INO80: variants seen among roughly 807,000 people sequenced by gnomAD.
INO80 encodes the protein chromatin-remodeling ATPase INO80.
Under a neutral mutation model 203.4 loss-of-function variants are expected in INO80, and 20 were observed. That is an observed-to-expected ratio of 0.10 (90% confidence interval 0.07 to 0.14). INO80 has a LOEUF of 0.14. Ranked by LOEUF, INO80 falls within the 10% of genes least tolerant of loss-of-function variation. The pLI, the probability that INO80 is intolerant of heterozygous loss-of-function variation, is 1.00. For synonymous variants in INO80, 726 were observed against 685.2 expected (o/e 1.06, Z -0.93); for missense variants, 1,419 against 1,914.4 (o/e 0.74, Z 4.83).
Position 41,059,892 on chromosome 15 carries a change from T to C in INO80, c.1817A>G (p.Lys606Arg), listed in dbSNP as rs558935439. ...LPYWGNPHDR[K>R]VIRRFWSQKT... Reference sequence around the variant, plus strand: ...CTGACTCCAGAACCTTCTGATGACTTTTCTATCATGAGGATTTCCCCAATA... The same window carrying C: ...CTGACTCCAGAACCTTCTGATGACTCTTCTATCATGAGGATTTCCCCAATA... The change falls in exon 15 of 36, where the codon AAA becomes AGA. Residue 606 changes from lysine to arginine, a missense_variant. Coordinates refer to ENST00000648947, the MANE Select transcript of INO80 (RefSeq NM_017553.3). 1 of 1,612,098 alleles carries C rather than the reference T, an allele frequency of 6.2e-7. No homozygotes were observed. Among genetic ancestry groups the C allele is most frequent in the East Asian group, 2.2e-5 (1 of 44,820 alleles).
chr15:40,997,626 A>G (rs1339675712), intron 28 of INO80, 25 bp from the exon 29 acceptor site: 3 of 1,552,764 alleles, frequency 1.9e-6, no homozygotes, highest in African/African-American at 2.7e-5. Context: ...GAGATATGTT[A>G]AAGGAAAAAC....
At chr15:41,070,367 A>G (rs2140590917) in intron 13 of INO80, 100 bp downstream of exon 13, 1 of 1,025,630 alleles carries the variant, frequency 9.8e-7, no homozygotes, top group Middle Eastern at 2.1e-4. Flanking sequence ...CTATCTTGGA[A>G]TGCTACACAG....
intron 5 of INO80, among the ~76,000 whole-genome samples, chr15:41,091,125 T>C (rs955804856): frequency 2.0e-5 from 3 of 152,144 alleles, no homozygotes; most frequent in East Asian, 3.9e-4. Flanking sequence ...AGTTTCCTTA[T>C]GTTGGTCAGG....
At chr15:41,016,316 T>A in intron 26 of INO80, 101 bp from the exon 27 acceptor site, 1 of 1,163,730 alleles carries the variant, frequency 8.6e-7, no homozygotes, top group South Asian at 1.5e-5. Context: ...AAAACCAAGA[T>A]GCTTGTCATC....
chr15:41,104,502 C>T (rs956523232), intron 1 of INO80, among the ~76,000 whole-genome samples: 1 of 151,948 alleles, frequency 6.6e-6, no homozygotes, highest in African/African-American at 2.4e-5. Context: ...GGGCTGATTG[C>T]TTTGTACTCT....
chr15:41,021,860 C>CCAATT (rs1368072297), intron 25 of INO80, among the ~76,000 whole-genome samples: 8 of 152,192 alleles, frequency 5.3e-5, no homozygotes, highest in African/African-American at 1.7e-4. Flanking sequence ...AGGGCTCCTG[C>CCAATT]CAATTCAGAA....
intron 17 of INO80, among the ~76,000 whole-genome samples, chr15:41,056,118 A>AT (rs1022307001): frequency 1.3e-5 from 2 of 150,262 alleles, no homozygotes; most frequent in African/African-American, 2.4e-5. Context: ...TAATTTTTTG[A>AT]TTTTTTTTGT....
chr15:41,066,081 C>T (rs769025910), intron 14 of INO80, among the ~76,000 whole-genome samples: 11 of 150,440 alleles, frequency 7.3e-5, no homozygotes, highest in South Asian at 6.3e-4. Flanking sequence ...TGGGTTCAAG[C>T]GATTCTCCTG....
At chr15:40,999,364 C>T (rs772984700) in intron 28 of INO80, 4 of 152,174 alleles carry the variant, frequency 2.6e-5, no homozygotes, top group East Asian at 1.9e-4. Context: ...AAGTGACTAA[C>T]TGATGACGTA....
chr15:40,982,880 C>T lies in INO80; in HGVS notation c.4435G>A (p.Gly1479Arg). 7 of 1,613,306 alleles carry T rather than the reference C, an allele frequency of 4.3e-6. No homozygotes were observed. Among genetic ancestry groups the T allele is most frequent in the Non-Finnish European group, 5.1e-6 (6 of 1,179,958 alleles). The change falls in exon 35 of 36, where the codon GGG becomes AGG. Residue 1479 changes from glycine to arginine, a missense_variant. Physicochemically the swap from Gly to Arg is moderately radical, Grantham distance 125 (BLOSUM62 -2). Coordinates refer to ENST00000648947, the MANE Select transcript of INO80 (RefSeq NM_017553.3). ...AASAAAYAAYGYNVSKGISAS... is the reference protein window; with the variant it reads ...AASAAAYAAYRYNVSKGISAS... ...TCTGTACCTTTAGACACGTTGTACC[C>T]GTATGCGGCATAGGCAGCTGCAGAG...
chr15:41,038,215 C>T (rs1033589275), intron 24 of INO80, among the ~76,000 whole-genome samples: 33 of 151,474 alleles, frequency 2.2e-4, no homozygotes, highest in Admixed American at 5.3e-4. Context: ...AGGGTTTTGC[C>T]ATGTTTGCCA....
In INO80 at chr15:41,032,073, G is replaced by GACAGC. The variant is rs1243732624; in HGVS notation, c.2908-4342_2908-4338dup. Among the ~76,000 whole-genome samples the GACAGC allele has an allele frequency of 1.1e-3, 60 of 52,416 alleles. 2 individuals carry two copies. Among genetic ancestry groups the GACAGC allele is most frequent in the Middle Eastern group, 9.1e-3 (1 of 110 alleles). 34.4% of individuals were successfully genotyped at this position (52,416 alleles called of 152,430 possible). ...CACAGCACAGCACAGGACAGCACAG[G>GACAGC]ACAGCACAGCACAGCACAGCACAGC... On this transcript the variant is annotated intron_variant, in intron 24 of 35. Coordinates refer to ENST00000648947, the MANE Select transcript of INO80 (RefSeq NM_017553.3).
Position 41,045,086 on chromosome 15 carries a change from C to T in INO80, c.2736-11G>A, listed in dbSNP as rs770410657. The T allele has an allele frequency of 1.3e-6, 2 of 1,593,436 alleles. No individual in the cohort carries two copies. Among genetic ancestry groups the T allele is most frequent in the Non-Finnish European group, 8.5e-7 (1 of 1,174,150 alleles). On this transcript the variant is annotated splice_polypyrimidine_tract_variant and intron_variant, in intron 23 of 35. Transcript: ENST00000648947. ...AAAAGAGCTAACCATCTGAAACAAA[C>T]CACAGCAGACACGCTTATTCAGTGC...
chr15:41,076,813 A>C (rs1195019905), intron 9 of INO80, among the ~76,000 whole-genome samples: 2 of 152,200 alleles, frequency 1.3e-5, no homozygotes, highest in African/African-American at 4.8e-5. Context: ...AATCATTCCT[A>C]AGATAAACAA....
intron 14 of INO80, among the ~76,000 whole-genome samples, chr15:41,069,048 T>C (rs1263764444): frequency 6.6e-6 from 1 of 152,212 alleles, no homozygotes; most frequent in Admixed American, 6.5e-5. Context: ...TATCCATTTA[T>C]CAGGCTAAAT....
intron 35 of INO80, 104 bp from the exon 36 acceptor site, chr15:40,980,544 G>C: frequency 1.3e-6 from 1 of 783,744 alleles, no homozygotes; most frequent in Non-Finnish European, 2.1e-6. Context: ...GAGAAGTGGT[G>C]GGCAATTCCT....
At chr15:41,021,188 G>A (rs752724054) in intron 25 of INO80, 63 bp from the exon 26 acceptor site, 11 of 1,154,324 alleles carry the variant, frequency 9.5e-6, no homozygotes, top group Admixed American at 1.8e-5. Context: ...ATGCCTTTTG[G>A]GAACCTCAAC....
At chr15:41,045,901 G>A (rs999078304) in intron 23 of INO80, among the ~76,000 whole-genome samples, 13 of 27,106 alleles carry the variant, frequency 4.8e-4, no homozygotes, top group Admixed American at 8.6e-4. Flanking sequence ...ACTTCATCTC[G>A]GGAAAAAAAA....
chr15:41,078,629 T>G (rs1483415356), intron 9 of INO80, among the ~76,000 whole-genome samples: 1 of 152,208 alleles, frequency 6.6e-6, no homozygotes, highest in Admixed American at 6.5e-5. Context: ...AGCTCCACTT[T>G]GACATGAGTT....
Sources: gnomAD v4.1 joint callset for allele counts (sites outside exome capture counted in the v4.1 genomes callset) on GRCh38, gnomAD v4.1.1 for gene constraint, MANE v1.5 for transcripts, NCBI Gene and HGNC (gene_info 2026-07-23, HGNC 2026-07-21) for gene names.